PARP1: variants seen among roughly 807,000 people sequenced by gnomAD.
The protein encoded by PARP1 is poly [ADP-ribose] polymerase 1.
A neutral mutation model predicts 118.7 loss-of-function variants in PARP1; 44 were observed. The observed-to-expected ratio is 0.37, with a 90% confidence interval of 0.29 to 0.48. PARP1 has a LOEUF of 0.48. PARP1 is among the 20% of genes least tolerant of loss of function. The probability of loss-of-function intolerance (pLI) is 0.99; values close to 1 mark genes in which losing one functional copy is unlikely to be tolerated. For synonymous variants in PARP1, 492 were observed against 483.2 expected, an observed-to-expected ratio of 1.02 and a Z score of -0.24; for missense variants, 1,100 against 1,272.4, an observed-to-expected ratio of 0.86 and a Z score of 2.06.
chr1:226,362,181 TTTC>T (rs1434029920), intron 21 of PARP1, 98 bp from the exon 22 acceptor site: 3 of 713,292 alleles, frequency 4.2e-6, no homozygotes, highest in South Asian at 3.2e-5. Flanking sequence ...CCATGTGGTC[TTTC>T]TTTTTTTTTT....
intron 2 of PARP1, among the ~76,000 whole-genome samples, chr1:226,397,961 GAA>G (rs1333776940): frequency 1.8e-4 from 22 of 122,020 alleles, no homozygotes; most frequent in African/African-American, 6.6e-4. Context: ...ATCCACATGC[GAA>G]AAAAAAAAAA....
intron 8 of PARP1, among the ~76,000 whole-genome samples, chr1:226,381,720 A>G (rs968919667): frequency 6.6e-6 from 1 of 152,238 alleles, no homozygotes; most frequent in Admixed American, 6.5e-5. Context: ...TTCTAGGAGA[A>G]AAGCAGCAGC....
chr1:226,368,600 G>A (rs912126185), intron 15 of PARP1, among the ~76,000 whole-genome samples: 2 of 152,154 alleles, frequency 1.3e-5, no homozygotes, highest in Non-Finnish European at 1.5e-5. Context: ...TTGAAACCCC[G>A]CCACAACTAT....
intron 16 of PARP1, among the ~76,000 whole-genome samples, chr1:226,367,915 T>C (rs567333957): frequency 6.6e-6 from 1 of 152,190 alleles, no homozygotes; most frequent in African/African-American, 2.4e-5. Context: ...AGCCAGGAGC[T>C]GTCTTAAAAG....
chr1:226,373,875 G>A (rs1236176608), intron 14 of PARP1, among the ~76,000 whole-genome samples: 2 of 152,082 alleles, frequency 1.3e-5, no homozygotes, highest in Admixed American at 6.5e-5. Context: ...CCTAGCATTT[G>A]GGGAGACTGA....
At chr1:226,370,696 A>C in intron 14 of PARP1, 179 bp from the exon 15 acceptor site, 1 of 661,624 alleles carries the variant, frequency 1.5e-6, no homozygotes, top group South Asian at 1.6e-5. Context: ...ACCATGAGGG[A>C]TGGCAGTGTG....
chr1:226,386,174 T>C, intron 6 of PARP1, 152 bp downstream of exon 6: 1 of 688,830 alleles, frequency 1.5e-6, no homozygotes, highest in South Asian at 1.5e-5. Flanking sequence ...ATGGTGGTGA[T>C]GACCGTGCAA....
At chr1:226,393,553 C>T (rs980669661) in intron 2 of PARP1, among the ~76,000 whole-genome samples, 2 of 152,194 alleles carry the variant, frequency 1.3e-5, no homozygotes, top group African/African-American at 4.8e-5. Flanking sequence ...ACTAATGACA[C>T]ACAAGATGAC....
chr1:226,399,073 CTTT>C (rs34094559), intron 2 of PARP1, among the ~76,000 whole-genome samples: 6 of 125,772 alleles, frequency 4.8e-5, no homozygotes, highest in Non-Finnish European at 4.9e-5. Context: ...ATGGAGGAAT[CTTT>C]TTTTTTTTTT....
rs368446324 is a variant in PARP1 at position 226,362,031 on chromosome 1, T to C, written c.2901A>G (p.Val967=). ...DPSANISLDG[V]DVPLGTGISS... is the part of the protein sequence containing the mutation. ...AAATCCCGGTCCCAAGAGGAACGTC[T>C]ACACCATCCAGACTAATGTTAGCTG... The change falls in exon 22 of 23, where the codon GTA becomes GTG. Residue 967 remains valine, a synonymous_variant. Coordinates refer to ENST00000366794, the MANE Select transcript of PARP1 (RefSeq NM_001618.4). 3 of 1,613,866 alleles carry C rather than the reference T, an allele frequency of 1.9e-6. No homozygotes were observed. Among genetic ancestry groups the C allele is most frequent in the Non-Finnish European group, 2.5e-6 (3 of 1,179,822 alleles).
intron 1 of PARP1, among the ~76,000 whole-genome samples, chr1:226,403,823 C>T (rs546234015): frequency 2.6e-5 from 4 of 152,330 alleles, no homozygotes; most frequent in Admixed American, 1.3e-4. Flanking sequence ...CTAAATGTCA[C>T]ACAGATGCAA....
rs3219039 is a variant in PARP1 at position 226,390,403 on chromosome 1, C to T, written c.617+7G>A. 1.0e-4 allele frequency: 164 copies of T among 1,612,794 alleles called. No individual in the cohort carries two copies. The highest frequency in any genetic ancestry group is 3.9e-4 in the African/African-American group (29 of 74,988). On this transcript the variant is annotated splice_region_variant and intron_variant, in intron 4 of 22. Coordinates refer to ENST00000366794, the MANE Select transcript of PARP1 (RefSeq NM_001618.4). ...CCCCCAGGGCAACCCCGCAGTGCTC[C>T]ACCCACCCTTCACTCTTGACTCCTG... is the stretch of plus-strand genomic sequence containing the variant.
intron 5 of PARP1, among the ~76,000 whole-genome samples, 176 bp from the exon 6 acceptor site, chr1:226,386,618 C>A (rs1558239369): frequency 6.6e-6 from 1 of 152,186 alleles, no homozygotes; most frequent in African/African-American, 2.4e-5. Context: ...CCTGTGGACA[C>A]CAAATTAAAC....
chr1:226,402,459 G>A (rs1161955620), intron 1 of PARP1, 80 bp from the exon 2 acceptor site: 12 of 1,365,560 alleles, frequency 8.8e-6, no homozygotes, highest in Non-Finnish European at 1.2e-5. Flanking sequence ...CCTTGACCTC[G>A]ACCCCAGTCC....
chr1:226,390,696 T>C, intron 3 of PARP1, 72 bp from the exon 4 acceptor site: 4 of 1,414,110 alleles, frequency 2.8e-6, no homozygotes, highest in Non-Finnish European at 2.9e-6. Flanking sequence ...GGGCAGCCTG[T>C]GCTCCAGCCA....
At chr1:226,397,091 C>T (rs76053941) in intron 2 of PARP1, among the ~76,000 whole-genome samples, 1 of 150,726 alleles carries the variant, frequency 6.6e-6, no homozygotes, top group Admixed American at 6.6e-5. Context: ...GAGTTTGAGA[C>T]CAGCCTGGGG....
At chr1:226,406,680 G>A (rs1665154353) in intron 1 of PARP1, among the ~76,000 whole-genome samples, 1 of 152,196 alleles carries the variant, frequency 6.6e-6, no homozygotes, top group Non-Finnish European at 1.5e-5. Context: ...ACCTAACAGA[G>A]TGCTTAGAAC....
At chr1:226,381,274 T>A (rs1004553161) in intron 8 of PARP1, 66 bp from the exon 9 acceptor site, 1 of 1,580,436 alleles carries the variant, frequency 6.3e-7, no homozygotes, top group Admixed American at 1.7e-5. Context: ...TAAGGGGAGG[T>A]GGAGGAGCAG....
chr1:226,402,492 C>T lies in PARP1; in HGVS notation c.121-113G>A, dbSNP rs1553298434. On this transcript the variant is annotated intron_variant, in intron 1 of 22. Transcript: ENST00000366794. ...TCCCAGCCCCAGCAGTGGGATAGCA[C>T]ATGAAACTTTTGTTCTCCTATCTGT... is the stretch of plus-strand genomic sequence containing the variant. The T allele has an allele frequency of 1.2e-4, 122 of 1,008,562 alleles. 1 individual carries two copies. The South Asian group carries it at 1.5e-3, about 13-fold the overall frequency. 62.5% of individuals were successfully genotyped at this position (1,008,562 alleles called of 1,614,324 possible).
Sources: gnomAD v4.1 joint callset for allele counts (sites outside exome capture counted in the v4.1 genomes callset) on GRCh38, gnomAD v4.1.1 for gene constraint, MANE v1.5 for transcripts, NCBI Gene and HGNC (gene_info 2026-07-23, HGNC 2026-07-21) for gene names.